Variants in DKK2 observed in about 807,000 individuals in gnomAD.
DKK2 encodes the protein dickkopf-related protein 2.
In DKK2, 11 loss-of-function variants were observed where a neutral mutation model predicts 28.1. The ratio of observed to expected loss-of-function variants is 0.39; its 90% confidence interval spans 0.25 to 0.65. The LOEUF is 0.65. Ranked by LOEUF, DKK2 falls within the 30% of genes least tolerant of loss-of-function variation. The probability of loss-of-function intolerance (pLI) is 0.47; values close to 1 mark genes in which losing one functional copy is unlikely to be tolerated. For synonymous variants in DKK2, 135 were observed against 126.5 expected (o/e 1.07, Z -0.45); for missense variants, 326 against 335.5 (o/e 0.97, Z 0.22).
intron 1 of DKK2, among the ~76,000 whole-genome samples, chr4:107,012,033 T>C (rs1723525453): frequency 6.6e-6 from 1 of 151,268 alleles, no homozygotes; most frequent in Admixed American, 6.6e-5. Flanking sequence ...TCCATTACCT[T>C]TATAACAGGA....
At chr4:106,951,027 T>C (rs907156527) in intron 1 of DKK2, among the ~76,000 whole-genome samples, 3 of 152,130 alleles carry the variant, frequency 2.0e-5, no homozygotes, top group Admixed American at 1.3e-4. Flanking sequence ...CCCAGTATCA[T>C]GTTTTTGATT....
At chr4:106,943,421 T>C (rs1560576846) in intron 1 of DKK2, among the ~76,000 whole-genome samples, 1 of 152,056 alleles carries the variant, frequency 6.6e-6, no homozygotes, top group East Asian at 1.9e-4. Context: ...TAGCATTAAA[T>C]TGACAAAAAT....
In DKK2 at chr4:106,999,798, G is replaced by T. The variant is rs573760041; in HGVS notation, c.222+35572C>A. ...ACATCAAATTTTTGTATTTTTTCTCGTATTAAATTTTGATATTCTATAGAC... is the reference window on the plus strand; with the variant it reads ...ACATCAAATTTTTGTATTTTTTCTCTTATTAAATTTTGATATTCTATAGAC... On this transcript the variant is annotated intron_variant, in intron 1 of 3. Coordinates refer to ENST00000285311, the MANE Select transcript of DKK2 (RefSeq NM_014421.3). Among the ~76,000 whole-genome samples the T allele has an allele frequency of 4.8e-4, 73 of 151,894 alleles. 2 individuals carry two copies. The South Asian group carries it at 0.015, about 31-fold the overall frequency.
At chr4:107,028,435 C>T (rs758138509) in intron 1 of DKK2, among the ~76,000 whole-genome samples, 5 of 152,158 alleles carry the variant, frequency 3.3e-5, no homozygotes, top group Non-Finnish European at 5.9e-5. Flanking sequence ...ACTAAGTGCA[C>T]TTTCTTATTC....
intron 1 of DKK2, among the ~76,000 whole-genome samples, chr4:106,964,960 TATAG>T (rs754515017): frequency 0.059 from 8,664 of 146,368 alleles, 295 homozygotes; most frequent in East Asian, 0.14. Flanking sequence ...GATAGATAGA[TATAG>T]ATAGATAGAT....
intron 2 of DKK2, among the ~76,000 whole-genome samples, chr4:106,925,596 G>A (rs756627987): frequency 3.9e-5 from 6 of 152,004 alleles, no homozygotes; most frequent in Non-Finnish European, 7.4e-5. Context: ...ATCAGTGTAG[G>A]TCATAAAATA....
At chr4:107,004,157 A>G (rs1466474062) in intron 1 of DKK2, among the ~76,000 whole-genome samples, 1 of 152,198 alleles carries the variant, frequency 6.6e-6, no homozygotes, top group Admixed American at 6.5e-5. Flanking sequence ...AGAGTCAGTG[A>G]GGAACTGGCT....
intron 1 of DKK2, among the ~76,000 whole-genome samples, chr4:107,008,085 G>C (rs574289986): frequency 2.0e-5 from 3 of 152,082 alleles, no homozygotes; most frequent in African/African-American, 7.2e-5. Context: ...TGGTAAAACA[G>C]AGCCAAAAGA....
chr4:106,936,920 A>C (rs1403538778), intron 1 of DKK2, among the ~76,000 whole-genome samples: 10 of 151,738 alleles, frequency 6.6e-5, no homozygotes, highest in Non-Finnish European at 1.5e-4. Context: ...AAATGCTGAG[A>C]GATTTTGTCA....
chr4:106,968,005 T>G (rs1722809227), intron 1 of DKK2, among the ~76,000 whole-genome samples: 6 of 122,766 alleles, frequency 4.9e-5, no homozygotes, highest in African/African-American at 9.5e-5. Context: ...AGAGAGGAGA[T>G]GGAGAGATGA....
chr4:106,923,957 A>C lies in DKK2; in HGVS notation c.777T>G (p.Ile259Met). 1 of 1,613,224 alleles carries C rather than the reference A, an allele frequency of 6.2e-7. No homozygotes were observed. The highest frequency in any genetic ancestry group is 8.5e-7 in the Non-Finnish European group (1 of 1,179,238). The change falls in exon 4 of 4, where the codon ATT becomes ATG. Residue 259 changes from isoleucine (I) to methionine (M), a missense_variant. Transcript: ENST00000285311. ...SKARLHVCQKI is the reference protein window; with the variant it reads ...SKARLHVCQKM ...TGATGATGTTCCTCAATGGTGATCA[A>C]ATTTTCTGACACACATGGAGTCTGG...
intron 1 of DKK2, among the ~76,000 whole-genome samples, chr4:106,965,045 G>A (rs1722751701): frequency 6.6e-6 from 1 of 152,028 alleles, no homozygotes; most frequent in Non-Finnish European, 1.5e-5. Flanking sequence ...GCCTGATATA[G>A]TTCAGTGTTC....
At chr4:107,018,781 C>T (rs4956274) in intron 1 of DKK2, among the ~76,000 whole-genome samples, 17,817 of 151,918 alleles carry the variant, frequency 0.12, 1,132 homozygotes, top group East Asian at 0.24. Context: ...GTGGACAATA[C>T]GAACTCTATT....
intron 1 of DKK2, among the ~76,000 whole-genome samples, chr4:106,934,822 A>G (rs868835834): frequency 5.5e-4 from 84 of 152,350 alleles, no homozygotes; most frequent in African/African-American, 1.9e-3. Context: ...TATTCATTCT[A>G]TGGTGAAATG....
intron 1 of DKK2, among the ~76,000 whole-genome samples, chr4:106,950,836 G>A (rs1578354232): frequency 6.6e-6 from 1 of 152,010 alleles, no homozygotes; most frequent in Non-Finnish European, 1.5e-5. Flanking sequence ...AATTTTCCAC[G>A]AAGTTAACAC....
intron 1 of DKK2, among the ~76,000 whole-genome samples, chr4:106,983,337 G>GAAGAAAGAAAGAAAGAAAGA (rs1553923094): frequency 0.036 from 4,382 of 120,390 alleles, 146 homozygotes; most frequent in African/African-American, 0.074. Context: ...AGGAAGAAAG[G>GAAGAAAGAAAGAAAGAAAGA]AAGAAAGAAA....
At chr4:106,979,934 C>T (rs1223032523) in intron 1 of DKK2, among the ~76,000 whole-genome samples, 1 of 152,182 alleles carries the variant, frequency 6.6e-6, no homozygotes, top group African/African-American at 2.4e-5. Context: ...TAATACTGGT[C>T]ACTTTAAATA....
chr4:106,986,406 T>C (rs540660836), intron 1 of DKK2, among the ~76,000 whole-genome samples: 46 of 152,150 alleles, frequency 3.0e-4, no homozygotes, highest in Non-Finnish European at 5.7e-4. Flanking sequence ...TTGTCTGTTG[T>C]GAAGTGAAAG....
intron 1 of DKK2, among the ~76,000 whole-genome samples, chr4:107,022,502 T>G (rs1723712583): frequency 6.6e-6 from 1 of 152,066 alleles, no homozygotes; most frequent in African/African-American, 2.4e-5. Context: ...TGGCCTTAAA[T>G]CCCAGCTCTG....
Sources: allele counts gnomAD v4.1 joint callset (sites outside exome capture counted in the v4.1 genomes callset), GRCh38; gene constraint gnomAD v4.1.1; transcripts MANE v1.5; gene names NCBI Gene and HGNC (gene_info 2026-07-23, HGNC 2026-07-21).